The following PLAGL1 variants were observed in gnomAD, a reference collection of about 807,000 sequenced individuals.
PLAGL1 encodes PLAG1 like zinc finger 1.
PLAGL1 carries 1 observed loss-of-function variant against 4.6 expected under a neutral mutation model. That is an observed-to-expected ratio of 0.22 (90% CI 0.08 to 1.03). The LOEUF (loss-of-function observed/expected upper bound fraction) is 1.03, where lower values mean the gene tolerates loss of function less well. PLAGL1 is among the 50% of genes least tolerant of loss of function. The probability of loss-of-function intolerance (pLI) is 0.58; values close to 1 mark genes in which losing one functional copy is unlikely to be tolerated. For synonymous variants in PLAGL1, 240 were observed against 237.8 expected (o/e 1.01, Z -0.08); for missense variants, 464 against 570.4 (o/e 0.81, Z 1.90).
intron 1 of PLAGL1, among the ~76,000 whole-genome samples, chr6:144,044,457 G>T (rs186829520): frequency 8.9e-4 from 135 of 152,284 alleles, no homozygotes; most frequent in African/African-American, 3.2e-3. Flanking sequence ...TTCAGGAGCA[G>T]GTTGTTCAGT....
intron 1 of PLAGL1, among the ~76,000 whole-genome samples, chr6:144,002,763 G>A (rs1250167124): frequency 6.6e-6 from 1 of 151,872 alleles, no homozygotes. Flanking sequence ...ACAAAACAAT[G>A]TTGAAAGTAA....
chr6:144,041,253 T>C (rs1473640643), intron 1 of PLAGL1, among the ~76,000 whole-genome samples: 3 of 152,186 alleles, frequency 2.0e-5, no homozygotes, highest in Admixed American at 6.5e-5. Flanking sequence ...TACATATGTA[T>C]ACATGTGCCA....
chr6:144,036,199 C>A lies in PLAGL1; in HGVS notation c.-151+28269G>T, dbSNP rs1326919822. Among the ~76,000 whole-genome samples, 2 of 152,164 alleles carry A rather than the reference C, an allele frequency of 1.3e-5. No homozygotes were observed. Among genetic ancestry groups the A allele is most frequent in the Non-Finnish European group, 2.9e-5 (2 of 68,024 alleles). On this transcript the variant is annotated intron_variant, in intron 1 of 3. Transcript: ENST00000437412. The surrounding 1 kb of genome is among the most constrained non-coding windows in gnomAD (Gnocchi z 5.1). ...GGGGCCTGAGGAGAAGTCTTTTATG[C>A]CCAGAAATGACAACCACTTCCTCTG... is the stretch of plus-strand genomic sequence containing the variant.
rs1782811699 is a variant in PLAGL1, at chr6:143,959,156, C to G, written c.-325+1313G>C. ...TCAATTTCCCACCGCTGCCTGCTCGCAGCTCCTCCCCAGCAGCTGAGAGCA... is the reference window on the plus strand; with the variant it reads ...TCAATTTCCCACCGCTGCCTGCTCGGAGCTCCTCCCCAGCAGCTGAGAGCA... On this transcript the variant is annotated intron_variant, in intron 6 of 7. Transcript: ENST00000674357. This position sits in a 1 kb window ranked among gnomAD's most constrained non-coding sequence, Gnocchi z 5.3. Among the ~76,000 whole-genome samples the G allele has an allele frequency of 6.6e-6, 1 of 152,222 alleles. No individual in the cohort carries two copies. Among genetic ancestry groups the G allele is most frequent in the South Asian group, 2.1e-4 (1 of 4,832 alleles).
chr6:144,019,885 C>T (rs950589751), intron 1 of PLAGL1, among the ~76,000 whole-genome samples: 14 of 152,024 alleles, frequency 9.2e-5, no homozygotes, highest in Non-Finnish European at 2.1e-4. Context: ...GAACAACTCC[C>T]ACAAATGTAG....
At position 143,984,185 on chromosome 6, in the gene PLAGL1, CCTT is replaced by C. The variant is rs1472669287; in HGVS notation, c.-544+947_-544+949del. ...TCCAACTTGCGTTCTGCTCAAATGT[CCTT>C]CTTCTCTTTCACTATCATTCTGAAA... On this transcript the variant is annotated intron_variant, in intron 2 of 7. Coordinates refer to ENST00000674357, the MANE Select transcript of PLAGL1 (RefSeq NM_001317162.2). This position sits in a 1 kb window ranked among gnomAD's most constrained non-coding sequence, Gnocchi z 5.5. Among the ~76,000 whole-genome samples the C allele has an allele frequency of 6.6e-6, 1 of 152,164 alleles. No individual in the cohort carries two copies. Among genetic ancestry groups the C allele is most frequent in the Admixed American group, 6.6e-5 (1 of 15,260 alleles).
Position 143,971,218 on chromosome 6 carries a change from C to T in PLAGL1, c.-543-2240G>A, listed in dbSNP as rs1372160272. ...TCAGAATCACATCCCGCTGACCCGA[C>T]GTTATTTGTACAACCCATACAAATG... On this transcript the variant is annotated intron_variant, in intron 2 of 7. Coordinates refer to ENST00000674357, the MANE Select transcript of PLAGL1 (RefSeq NM_001317162.2). The surrounding 1 kb of genome is among the most constrained non-coding windows in gnomAD (Gnocchi z 4.7). 6.6e-6 allele frequency among the ~76,000 whole-genome samples: 1 copy of T among 152,044 alleles called. No homozygotes were observed. Among genetic ancestry groups the T allele is most frequent in the African/African-American group, 2.4e-5 (1 of 41,404 alleles).
intron 1 of PLAGL1, among the ~76,000 whole-genome samples, chr6:143,993,175 G>A (rs1278516595): frequency 2.0e-5 from 3 of 151,228 alleles, no homozygotes; most frequent in Non-Finnish European, 4.4e-5. Flanking sequence ...GGTGTGGTGG[G>A]TGCCTGTAAT....
At position 143,942,679 on chromosome 6, in the gene PLAGL1, G is replaced by A. The variant is rs779742241; in HGVS notation, c.153-16C>T. On this transcript the variant is annotated splice_polypyrimidine_tract_variant and intron_variant, in intron 7 of 7. Transcript: ENST00000674357. The surrounding 1 kb of genome is among the most constrained non-coding windows in gnomAD (Gnocchi z 7.6). Reference sequence around the variant, plus strand: ...AGCCATATGCCTAGGAGCAGAAGGAGAAATTTCACAATAGAGAGTTGTTTT... The same window carrying A: ...AGCCATATGCCTAGGAGCAGAAGGAAAAATTTCACAATAGAGAGTTGTTTT... 4 of 1,593,860 alleles carry A rather than the reference G, an allele frequency of 2.5e-6. No individual in the cohort carries two copies. The highest frequency in any genetic ancestry group is 1.3e-5 in the African/African-American group (1 of 74,190).
upstream of PLAGL1, among the ~76,000 whole-genome samples, chr6:144,010,730 C>T (rs9496837): frequency 0.012 from 1,805 of 152,286 alleles, 35 homozygotes; most frequent in African/African-American, 0.04. This position sits in a 1 kb window ranked among gnomAD's most constrained non-coding sequence, Gnocchi z 4.1. Flanking sequence ...GTAACCAAAA[C>T]TGCATGGTAC....
In PLAGL1 at chr6:143,954,327, A is replaced by T. The variant is rs1781667740; in HGVS notation, c.-324-5867T>A. 6.6e-6 allele frequency among the ~76,000 whole-genome samples: 1 copy of T among 152,214 alleles called. No homozygotes were observed. The highest frequency in any genetic ancestry group is 2.1e-4 in the South Asian group (1 of 4,826). Reference sequence around the variant, plus strand: ...ACTACGGGGGGAAGGAAACTTCAAAAATAATAATCATTAATATCCTAGAGA... The same window carrying T: ...ACTACGGGGGGAAGGAAACTTCAAATATAATAATCATTAATATCCTAGAGA... On this transcript the variant is annotated intron_variant, in intron 6 of 7. Transcript: ENST00000674357. This position sits in a 1 kb window ranked among gnomAD's most constrained non-coding sequence, Gnocchi z 5.1.
chr6:143,993,331 A>AACAC (rs746624620), intron 1 of PLAGL1, among the ~76,000 whole-genome samples: 4,605 of 142,290 alleles, frequency 0.032, 84 homozygotes, highest in Non-Finnish European at 0.037. Flanking sequence ...AACAAAACAA[A>AACAC]ACACACACAC....
intron 1 of PLAGL1, among the ~76,000 whole-genome samples, chr6:143,993,009 C>G (rs932886407): frequency 1.4e-5 from 2 of 148,124 alleles, no homozygotes; most frequent in South Asian, 4.6e-4. Flanking sequence ...AACACACACA[C>G]AGAAAAAAAC....
chr6:144,057,033 G>A lies in PLAGL1; in HGVS notation c.-151+7435C>T, dbSNP rs115688681. The stretch of plus-strand genomic sequence containing the variant: ...CATTCACCTACTGAAGGATATATTG[G>A]TTGCTTTCAAGTTTTGGAAATTATG... On this transcript the variant is annotated intron_variant, in intron 1 of 3. Coordinates refer to the PLAGL1 transcript ENST00000437412. Among the ~76,000 whole-genome samples, 495 of 152,208 alleles carry A rather than the reference G, an allele frequency of 3.3e-3. 3 individuals carry two copies. Among genetic ancestry groups the A allele is most frequent in the African/African-American group, 0.011 (476 of 41,530 alleles).
chr6:143,955,220 G>A lies in PLAGL1; in HGVS notation c.-325+5249C>T, dbSNP rs76268538. On this transcript the variant is annotated intron_variant, in intron 6 of 7. Transcript: ENST00000674357. The surrounding 1 kb of genome is among the most constrained non-coding windows in gnomAD (Gnocchi z 4.9). ...CAGAGAAGTAAAAGTTGAAGCTAGC[G>A]TAGAAGTTTACAACGTGTTCAAGAG... Among the ~76,000 whole-genome samples the A allele has an allele frequency of 3.0e-4, 45 of 152,292 alleles. No individual in the cohort carries two copies. In the East Asian group the frequency reaches 6.0e-3, roughly 20 times the overall value.
In PLAGL1 at chr6:143,966,692, C is replaced by A. The variant is rs1442277364; in HGVS notation, c.-471-494G>T. ...ACATCATGGATCAATTAAGTTATTC[C>A]CCAAATAAAGTATTCTTTGTTATAG... is the stretch of plus-strand genomic sequence containing the variant. On this transcript the variant is annotated intron_variant, in intron 3 of 7. Transcript: ENST00000674357. This position sits in a 1 kb window ranked among gnomAD's most constrained non-coding sequence, Gnocchi z 6.0. 1.3e-5 allele frequency: 2 copies of A among 152,074 alleles called. No individual in the cohort carries two copies. The highest frequency in any genetic ancestry group is 2.9e-5 in the Non-Finnish European group (2 of 68,016). 9.4% of individuals were successfully genotyped at this position (152,074 alleles called of 1,614,324 possible). A position where few individuals can be genotyped will look rare whatever the true frequency, so the allele number is the denominator to read the frequency against.
At chr6:144,058,616 C>A (rs1036888366) in intron 1 of PLAGL1, among the ~76,000 whole-genome samples, 1 of 152,124 alleles carries the variant, frequency 6.6e-6, no homozygotes, top group African/African-American at 2.4e-5. Flanking sequence ...TATTTACTTC[C>A]AAAATACAAT....
rs1780608501 is a variant in PLAGL1 at position 143,949,699 on chromosome 6, T to C, written c.-324-1239A>G. On this transcript the variant is annotated intron_variant, in intron 6 of 7. Transcript: ENST00000674357. The surrounding 1 kb of genome is among the most constrained non-coding windows in gnomAD (Gnocchi z 5.3). ...CTTAGGTGAAGTACACTTGAGTAGC[T>C]TTTGTCCACAGGCCAGCATTTGCTG... Among the ~76,000 whole-genome samples, 1 of 152,188 alleles carries C rather than the reference T, an allele frequency of 6.6e-6. No homozygotes were observed. The highest frequency in any genetic ancestry group is 1.5e-5 in the Non-Finnish European group (1 of 68,026).
At position 143,941,749 on chromosome 6, in the gene PLAGL1, G is replaced by T; in HGVS notation, c.1067C>A (p.Ala356Asp). ...NPGFDLAKGN[A>D]GKVNLPKELP... ...CTCCTTGGGCAGGTTTACTTTACCAGCATTTCCCTTAGCCAGATCAAAACC... is the reference window on the plus strand; with the variant it reads ...CTCCTTGGGCAGGTTTACTTTACCATCATTTCCCTTAGCCAGATCAAAACC... Residue 356 changes from alanine to aspartate, a missense_variant, in exon 8 of 8, where the codon GCT becomes GAT. By Grantham distance (126) the Ala-to-Asp change is moderately radical. Around this residue, in one of 4 missense-constraint regions of PLAGL1, gnomAD observed 248 missense variants for 250.1 expected, o/e 0.99. Coordinates refer to ENST00000674357, the MANE Select transcript of PLAGL1 (RefSeq NM_001317162.2). The surrounding 1 kb of genome is among the most constrained non-coding windows in gnomAD (Gnocchi z 6.0). The T allele has an allele frequency of 6.2e-7, 1 of 1,614,246 alleles. No individual in the cohort carries two copies. Among genetic ancestry groups the T allele is most frequent in the Non-Finnish European group, 8.5e-7 (1 of 1,180,040 alleles).
Sources: allele counts gnomAD v4.1 joint callset (sites outside exome capture counted in the v4.1 genomes callset), GRCh38; gene constraint gnomAD v4.1.1; regional missense constraint gnomAD v4.1.1; non-coding constraint Gnocchi (gnomAD v3.1); transcripts MANE v1.5; gene names NCBI Gene and HGNC (gene_info 2026-07-23, HGNC 2026-07-21).